Variants in BCL11B observed in about 807,000 individuals in gnomAD.
BCL11B encodes the protein B-cell lymphoma/leukemia 11B.
In BCL11B, 8 loss-of-function variants were observed where a neutral mutation model predicts 49.9. The observed-to-expected ratio is 0.16, with a 90% confidence interval of 0.09 to 0.29. The LOEUF is 0.29. Among genes scored for constraint, BCL11B ranks in the 10% least tolerant of loss-of-function variants. BCL11B has a pLI of 1.00. For synonymous variants in BCL11B, 739 were observed against 637.4 expected, an observed-to-expected ratio of 1.16 and a Z score of -2.40; for missense variants, 1,006 against 1,351.0, an observed-to-expected ratio of 0.74 and a Z score of 4.00.
At chr14:99,259,852 C>A (rs972868764) in intron 1 of BCL11B, among the ~76,000 whole-genome samples, 2 of 152,162 alleles carry the variant, frequency 1.3e-5, no homozygotes, top group Admixed American at 1.3e-4. Flanking sequence ...ACCTTCCCAC[C>A]GAACAGAGGT....
chr14:99,250,782 TATC>T (rs962159791), intron 2 of BCL11B, among the ~76,000 whole-genome samples: 4 of 152,172 alleles, frequency 2.6e-5, no homozygotes, highest in African/African-American at 9.7e-5. Flanking sequence ...TTTCTTACCT[TATC>T]TCTCTCTCCT....
At chr14:99,200,142 T>A (rs568256090) in intron 3 of BCL11B, among the ~76,000 whole-genome samples, 19 of 151,536 alleles carry the variant, frequency 1.3e-4, no homozygotes, top group Admixed American at 2.0e-4. Context: ...TTGACACACA[T>A]CACGGGTGCG....
intron 3 of BCL11B, among the ~76,000 whole-genome samples, chr14:99,196,597 C>A (rs1055923742): frequency 6.6e-6 from 1 of 152,218 alleles, no homozygotes; most frequent in Non-Finnish European, 1.5e-5. Flanking sequence ...TGACCATTCC[C>A]TGTCTGCAGC....
intron 3 of BCL11B, among the ~76,000 whole-genome samples, chr14:99,198,881 TG>T (rs1302196281): frequency 6.6e-6 from 1 of 152,136 alleles, no homozygotes; most frequent in Admixed American, 6.5e-5. Context: ...TCCGACTCTC[TG>T]CATTCCTCCC....
At chr14:99,265,598 C>T (rs905798167) in intron 1 of BCL11B, among the ~76,000 whole-genome samples, 16 of 152,170 alleles carry the variant, frequency 1.1e-4, no homozygotes, top group African/African-American at 3.9e-4. Context: ...CGGTTTTCTG[C>T]AGCTCAGAGA....
chr14:99,232,232 T>C lies in BCL11B; in HGVS notation c.428-675A>G, dbSNP rs1463967071. Among the ~76,000 whole-genome samples, 1 of 151,882 alleles carries C rather than the reference T, an allele frequency of 6.6e-6. No individual in the cohort carries two copies. ...AACCCTGGCGCTGCTCACCCCCTCC[T>C]AACGTCTCGGCCTGGCTTGGGAGGC... On this transcript the variant is annotated intron_variant, in intron 2 of 3. Transcript: ENST00000357195. This position sits in a 1 kb window ranked among gnomAD's most constrained non-coding sequence, Gnocchi z 5.1.
chr14:99,259,498 T>C (rs1000012904), intron 1 of BCL11B, among the ~76,000 whole-genome samples: 6 of 152,186 alleles, frequency 3.9e-5, no homozygotes, highest in Non-Finnish European at 5.9e-5. Context: ...GGTAGCGACG[T>C]AGGTATCGCT....
rs994544563 is a variant in BCL11B at position 99,184,339 on chromosome 14, T to G, written c.641-8144A>C. ...CCACAGCATTGTATTTAGATCTGCTTCATACTGATCACCATACTGAACTGT... is the reference window on the plus strand; with the variant it reads ...CCACAGCATTGTATTTAGATCTGCTGCATACTGATCACCATACTGAACTGT... On this transcript the variant is annotated intron_variant, in intron 3 of 3. Coordinates refer to ENST00000357195, the MANE Select transcript of BCL11B (RefSeq NM_138576.4). This position sits in a 1 kb window ranked among gnomAD's most constrained non-coding sequence, Gnocchi z 6.1. 2.0e-5 allele frequency among the ~76,000 whole-genome samples: 3 copies of G among 152,200 alleles called. No individual in the cohort carries two copies. The highest frequency in any genetic ancestry group is 4.4e-5 in the Non-Finnish European group (3 of 68,038).
At chr14:99,182,137 T>C (rs1452741998) in intron 3 of BCL11B, among the ~76,000 whole-genome samples, 1 of 152,164 alleles carries the variant, frequency 6.6e-6, no homozygotes, top group Admixed American at 6.5e-5. Context: ...ACCTCAGCTC[T>C]CTCCAAGACA....
rs536268792 is a variant in BCL11B, at chr14:99,244,453, T to G, written c.428-12896A>C. Among the ~76,000 whole-genome samples the G allele has an allele frequency of 9.8e-5, 15 of 152,318 alleles. No individual in the cohort carries two copies. The East Asian group carries it at 2.7e-3, about 27-fold the overall frequency. ...GTAAAGGAATCCGGTAACATAAATA[T>G]TAATCAAACACGAGAATCTGCCAGT... On this transcript the variant is annotated intron_variant, in intron 2 of 3. Transcript: ENST00000357195.
chr14:99,208,268 C>T (rs1190023632), intron 3 of BCL11B, among the ~76,000 whole-genome samples: 3 of 152,158 alleles, frequency 2.0e-5, no homozygotes, highest in Non-Finnish European at 4.4e-5. Context: ...GGCATCCCTT[C>T]CCCCACTGGA....
chr14:99,234,072 C>T (rs1888416363), intron 2 of BCL11B, among the ~76,000 whole-genome samples: 1 of 152,234 alleles, frequency 6.6e-6, no homozygotes, highest in Non-Finnish European at 1.5e-5. Flanking sequence ...GAGCCACCTA[C>T]GGCATGACTC....
In BCL11B at chr14:99,174,232, G is replaced by A; in HGVS notation, c.2604C>T (p.Thr868=). The change falls in exon 4 of 4, where the codon ACC becomes ACT. Residue 868 remains threonine, a synonymous_variant. Coordinates refer to ENST00000357195, the MANE Select transcript of BCL11B (RefSeq NM_138576.4). The part of the protein sequence containing the change: ...ICQMPFSVYS[T]LEKHMKKWHG... ...GCCACTTTTTCATGTGTTTCTCCAG[G>A]GTGCTGTAGACGCTGAAGGGCATCT... 6.2e-7 allele frequency: 1 copy of A among 1,613,938 alleles called. No homozygotes were observed. Among genetic ancestry groups the A allele is most frequent in the Non-Finnish European group, 8.5e-7 (1 of 1,180,022 alleles).
chr14:99,185,463 C>G (rs1343796926), intron 3 of BCL11B, among the ~76,000 whole-genome samples: 1 of 129,906 alleles, frequency 7.7e-6, no homozygotes, highest in Non-Finnish European at 1.7e-5. Context: ...AAAAAAAAAA[C>G]TATATGACCA....
intron 3 of BCL11B, among the ~76,000 whole-genome samples, chr14:99,182,731 C>T (rs578177516): frequency 1.3e-3 from 197 of 152,242 alleles, no homozygotes; most frequent in African/African-American, 4.5e-3. Flanking sequence ...AGCCACTGCC[C>T]CCACACCAAG....
At chr14:99,252,016 C>T in intron 2 of BCL11B, among the ~76,000 whole-genome samples, 1 of 152,074 alleles carries the variant, frequency 6.6e-6, no homozygotes, top group Admixed American at 6.6e-5. Context: ...AGTGAGATAA[C>T]CCAAGAAAAG....
chr14:99,199,683 T>TGTGTGTGTGTGTGTGTGCGCGC (rs759599743), intron 3 of BCL11B, among the ~76,000 whole-genome samples: 1 of 73,740 alleles, frequency 1.4e-5, no homozygotes, highest in African/African-American at 3.4e-5. Flanking sequence ...TGTGTGTGTG[T>TGTGTGTGTGTGTGTGTGCGCGC]GCGCGCGCGC....
intron 3 of BCL11B, among the ~76,000 whole-genome samples, chr14:99,185,044 G>A (rs1389980752): frequency 1.3e-5 from 2 of 152,196 alleles, no homozygotes; most frequent in African/African-American, 2.4e-5. Flanking sequence ...GTGGGGGTCA[G>A]GGAGTGGGAG....
Position 99,239,658 on chromosome 14 carries a change from C to G in BCL11B, c.428-8101G>C, listed in dbSNP as rs559959738. On this transcript the variant is annotated intron_variant, in intron 2 of 3. Coordinates refer to ENST00000357195, the MANE Select transcript of BCL11B (RefSeq NM_138576.4). ...AAACTAAGGACACCTTTTTCTATCCCCTCAGCATCCACTGTGCCTGACCTT... is the reference window on the plus strand; with the variant it reads ...AAACTAAGGACACCTTTTTCTATCCGCTCAGCATCCACTGTGCCTGACCTT... Among the ~76,000 whole-genome samples the G allele has an allele frequency of 4.8e-4, 73 of 152,252 alleles. 1 individual carries two copies. The highest frequency in any genetic ancestry group is 5.9e-4 in the Non-Finnish European group (40 of 68,026).
Sources: allele counts gnomAD v4.1 joint callset (sites outside exome capture counted in the v4.1 genomes callset), GRCh38; gene constraint gnomAD v4.1.1; non-coding constraint Gnocchi (gnomAD v3.1); transcripts MANE v1.5; gene names NCBI Gene and HGNC (gene_info 2026-07-23, HGNC 2026-07-21).